Variants in LPGAT1 observed in about 807,000 individuals in gnomAD.
The protein encoded by LPGAT1 is lysophosphatidylglycerol acyltransferase 1, also known as acyl-CoA:lysophosphatidylglycerol acyltransferase 1.
In LPGAT1, 11 loss-of-function variants were observed where a neutral mutation model predicts 47.5. The observed-to-expected ratio is 0.23, with a 90% CI of 0.15 to 0.38. The LOEUF is 0.38. Among genes scored for constraint, LPGAT1 ranks in the 10% least tolerant of loss-of-function variants. The pLI is 1.00. For synonymous variants in LPGAT1, 138 were observed against 144.2 expected (o/e 0.96, Z 0.31); for missense variants, 293 against 439.0 (o/e 0.67, Z 2.97).
rs151009534 is a variant in LPGAT1 at position 211,743,992 on chromosome 1, G to C, written c.*5907C>G. The C allele has an allele frequency of 6.6e-6, 1 of 152,252 alleles. No individual in the cohort carries two copies. Among genetic ancestry groups the C allele is most frequent in the African/African-American group, 2.4e-5 (1 of 41,560 alleles). The allele number at this position is 152,252 out of a possible 1,614,324, so 9.4% of individuals were successfully genotyped here. On this transcript the variant is annotated 3_prime_UTR_variant, in exon 8 of 8. Coordinates refer to ENST00000366997, the MANE Select transcript of LPGAT1 (RefSeq NM_014873.3). ...CCTATACCACAGTTTACTTAGCTTT[G>C]AGAAATGAAAAGTATAAAGACAACT...
intron 2 of LPGAT1, among the ~76,000 whole-genome samples, chr1:211,794,241 G>C (rs6669439): frequency 6.6e-6 from 1 of 152,068 alleles, no homozygotes; most frequent in Admixed American, 6.5e-5. Flanking sequence ...AAATCTATAC[G>C]TACATTCTAA....
At chr1:211,795,565 C>G (rs2102560024) in intron 2 of LPGAT1, among the ~76,000 whole-genome samples, 1 of 152,308 alleles carries the variant, frequency 6.6e-6, no homozygotes, top group South Asian at 2.1e-4. Flanking sequence ...CGGGGTTTCT[C>G]CATGTTGGTC....
At chr1:211,808,438 C>T (rs574509563) in intron 2 of LPGAT1, among the ~76,000 whole-genome samples, 1 of 151,484 alleles carries the variant, frequency 6.6e-6, no homozygotes, top group Admixed American at 6.6e-5. Flanking sequence ...GGACACTTCA[C>T]CAAAGAGAAC....
intron 2 of LPGAT1, among the ~76,000 whole-genome samples, chr1:211,821,945 G>T (rs184759444): frequency 2.1e-3 from 326 of 152,250 alleles, no homozygotes; most frequent in African/African-American, 7.5e-3. Context: ...TTTGACATAT[G>T]AATAAATATA....
In LPGAT1 at chr1:211,770,788, C is replaced by T. The variant is rs746414291; in HGVS notation, c.854+8130G>A. Among the ~76,000 whole-genome samples the T allele has an allele frequency of 4.6e-5, 7 of 152,058 alleles. No homozygotes were observed. In the East Asian group the frequency reaches 7.7e-4, roughly 17 times the overall value. ...TCCTACTAGCTCCATATATAGTAGG[C>T]GTATCATTTTAAGACTCTTTTATAC... On this transcript the variant is annotated intron_variant, in intron 6 of 7. Coordinates refer to ENST00000366997, the MANE Select transcript of LPGAT1 (RefSeq NM_014873.3).
At chr1:211,810,781 G>A (rs569175617) in intron 2 of LPGAT1, among the ~76,000 whole-genome samples, 134 of 152,304 alleles carry the variant, frequency 8.8e-4, no homozygotes, top group Non-Finnish European at 1.0e-3. Context: ...AAAAGACAGC[G>A]AGAACATGCC....
intron 2 of LPGAT1, among the ~76,000 whole-genome samples, chr1:211,827,447 C>A (rs12120603): frequency 0.083 from 12,610 of 152,260 alleles, 650 homozygotes; most frequent in Admixed American, 0.15. Context: ...ATTAATTTTA[C>A]CTTCCCACCA....
chr1:211,817,489 T>C (rs1315538904), intron 2 of LPGAT1, among the ~76,000 whole-genome samples: 3 of 151,620 alleles, frequency 2.0e-5, no homozygotes, highest in Non-Finnish European at 1.5e-5. Flanking sequence ...GAGAATCACT[T>C]GAACCCAGGA....
chr1:211,745,744 C>A lies in LPGAT1; in HGVS notation c.*4155G>T, dbSNP rs1002571200. The A allele has an allele frequency of 1.8e-4, 28 of 152,626 alleles. No homozygotes were observed. The highest frequency in any genetic ancestry group is 6.8e-4 in the African/African-American group (28 of 41,436). 9.5% of individuals were successfully genotyped at this position (152,626 alleles called of 1,614,324 possible). A position where few individuals can be genotyped will look rare whatever the true frequency, so the allele number is the denominator to read the frequency against. Reference sequence around the variant, plus strand: ...ATAAAGCACCAACCAATGACTGCTCCAGAGAATGCCCAGCCCCTCTGTGAT... The same window carrying A: ...ATAAAGCACCAACCAATGACTGCTCAAGAGAATGCCCAGCCCCTCTGTGAT... On this transcript the variant is annotated 3_prime_UTR_variant, in exon 8 of 8. Coordinates refer to ENST00000366997, the MANE Select transcript of LPGAT1 (RefSeq NM_014873.3).
rs1009746024 is a variant in LPGAT1 at position 211,748,172 on chromosome 1, G to C, written c.*1727C>G. The C allele has an allele frequency of 6.6e-6, 1 of 152,216 alleles. No homozygotes were observed. The highest frequency in any genetic ancestry group is 1.5e-5 in the Non-Finnish European group (1 of 67,988). 9.4% of individuals were successfully genotyped at this position (152,216 alleles called of 1,614,324 possible). A position where few individuals can be genotyped will look rare whatever the true frequency, so the allele number is the denominator to read the frequency against. ...AAATTGTTGTGTGATTAGTGACAAC[G>C]GGGGAATCTACAATGCTCACATCAC... On this transcript the variant is annotated 3_prime_UTR_variant, in exon 8 of 8. Coordinates refer to ENST00000366997, the MANE Select transcript of LPGAT1 (RefSeq NM_014873.3).
chr1:211,791,451 A>G (rs2102552437), intron 3 of LPGAT1, among the ~76,000 whole-genome samples: 1 of 152,226 alleles, frequency 6.6e-6, no homozygotes, highest in African/African-American at 2.4e-5. Context: ...AAGCCATCTC[A>G]CTTGTCAATT....
intron 6 of LPGAT1, among the ~76,000 whole-genome samples, chr1:211,760,316 G>T (rs976792377): frequency 1.3e-5 from 2 of 152,184 alleles, no homozygotes; most frequent in Admixed American, 1.3e-4. Flanking sequence ...TTAGCCAGGC[G>T]TGGTGGCACA....
chr1:211,822,764 C>G (rs1359975415), intron 2 of LPGAT1, among the ~76,000 whole-genome samples: 5 of 119,946 alleles, frequency 4.2e-5, no homozygotes, highest in Non-Finnish European at 3.4e-5. Context: ...GGTGACAGAG[C>G]AAGACTTCAT....
intron 2 of LPGAT1, among the ~76,000 whole-genome samples, chr1:211,823,500 C>T (rs1210349983): frequency 2.0e-5 from 3 of 152,104 alleles, no homozygotes; most frequent in African/African-American, 7.2e-5. Context: ...CCCCTTGTAC[C>T]CCTGTATATT....
At chr1:211,814,420 T>A (rs1571761259) in intron 2 of LPGAT1, among the ~76,000 whole-genome samples, 1 of 151,720 alleles carries the variant, frequency 6.6e-6, no homozygotes, top group Non-Finnish European at 1.5e-5. Flanking sequence ...ACTGAGAAAA[T>A]GAGGAGGGGT....
chr1:211,804,531 CCAGTT>C (rs1221003759), intron 2 of LPGAT1, among the ~76,000 whole-genome samples: 1 of 152,044 alleles, frequency 6.6e-6, no homozygotes, highest in Non-Finnish European at 1.5e-5. Context: ...AGTATATCTT[CCAGTT>C]ATTTTTCTCT....
chr1:211,778,078 C>T (rs752588172), intron 6 of LPGAT1, among the ~76,000 whole-genome samples: 4 of 152,198 alleles, frequency 2.6e-5, no homozygotes, highest in Non-Finnish European at 4.4e-5. Context: ...CGCGGTGGCT[C>T]ACGCCTGTAA....
intron 6 of LPGAT1, among the ~76,000 whole-genome samples, chr1:211,762,583 T>G (rs1386098383): frequency 6.6e-6 from 1 of 152,024 alleles, no homozygotes; most frequent in African/African-American, 2.4e-5. Flanking sequence ...ATCAGAGGAG[T>G]GCTTGTGGGA....
intron 6 of LPGAT1, among the ~76,000 whole-genome samples, chr1:211,753,468 CT>C (rs542555705): frequency 7.3e-5 from 11 of 151,594 alleles, no homozygotes; most frequent in Admixed American, 5.2e-4. Context: ...TATTTTTTTG[CT>C]TTTTTTCTTT....
Sources: gnomAD v4.1 joint callset for allele counts (sites outside exome capture counted in the v4.1 genomes callset) on GRCh38, gnomAD v4.1.1 for gene constraint, MANE v1.5 for transcripts, NCBI Gene and HGNC (gene_info 2026-07-23, HGNC 2026-07-21) for gene names.